UBE2V1: variants seen among roughly 807,000 people sequenced by gnomAD.
UBE2V1 encodes the protein ubiquitin conjugating enzyme E2 V1, also known as ubiquitin-conjugating enzyme E2 variant 1.
UBE2V1 carries 15 observed loss-of-function variants against 19.6 expected under a neutral mutation model. The ratio of observed to expected loss-of-function variants is 0.77; its 90% CI spans 0.51 to 1.18. UBE2V1 has a LOEUF of 1.18. Ranked by LOEUF, UBE2V1 falls within the 50% of genes most tolerant of loss-of-function variation. The pLI is 0.00. For missense variants in UBE2V1, 125 were observed against 184.8 expected (o/e 0.68, Z 1.88); for synonymous variants, 60 against 60.7 (o/e 0.99, Z 0.05).
chr20:50,113,101 G>A lies in UBE2V1; in HGVS notation c.22+6C>T, dbSNP rs955247495. 6 of 1,301,562 alleles carry A rather than the reference G, an allele frequency of 4.6e-6. No homozygotes were observed. The highest frequency in any genetic ancestry group is 4.6e-5 in the African/African-American group (3 of 65,106). The allele number at this position is 1,301,562 out of a possible 1,614,324, so 80.6% of individuals were successfully genotyped here. A position where few individuals can be genotyped will look rare whatever the true frequency, so the allele number is the denominator to read the frequency against. ...TCGGCCGGCCGGGCCCGGCGCCCCC[G>A]CTCACCCGAGCCCGTGGTGGCTGCC... On this transcript the variant is annotated splice_donor_region_variant and intron_variant, in intron 1 of 3. Coordinates refer to ENST00000371674, the MANE Select transcript of UBE2V1 (RefSeq NM_001032288.3).
At chr20:50,086,141 C>G (rs1195375039) in intron 2 of UBE2V1, among the ~76,000 whole-genome samples, 1 of 152,204 alleles carries the variant, frequency 6.6e-6, no homozygotes, top group Non-Finnish European at 1.5e-5. Context: ...CCAGACTGAC[C>G]CGGGCAGCCC....
chr20:50,107,797 A>C (rs2080485505), intron 1 of UBE2V1, among the ~76,000 whole-genome samples: 1 of 152,250 alleles, frequency 6.6e-6, no homozygotes, highest in South Asian at 2.1e-4. Context: ...GTTGAGATAG[A>C]ATCTTGCCCT....
chr20:50,085,134 C>G (rs1052488344), intron 2 of UBE2V1, among the ~76,000 whole-genome samples: 1 of 151,974 alleles, frequency 6.6e-6, no homozygotes, highest in African/African-American at 2.4e-5. Flanking sequence ...AGCTGATCTG[C>G]CCTCTTCGGC....
intron 3 of UBE2V1, 67 bp downstream of exon 3, chr20:50,084,062 C>T: frequency 6.6e-7 from 1 of 1,521,306 alleles, no homozygotes; most frequent in East Asian, 2.3e-5. Context: ...AGTCTAAAAG[C>T]TCCTGATGTT....
At chr20:50,083,410 A>G (rs2078731315) in intron 3 of UBE2V1, among the ~76,000 whole-genome samples, 2 of 152,232 alleles carry the variant, frequency 1.3e-5, no homozygotes, top group African/African-American at 2.4e-5. Flanking sequence ...GCACAGGTTG[A>G]GCTCTGGGCT....
Position 50,082,970 on chromosome 20 carries a change from T to C in UBE2V1, c.298-56A>G, listed in dbSNP as rs2078706096. ...CTCAGACTCTCAAACAAAATAGCTA[T>C]ATGCCGGGGTTAAGCTAAGGTGCAA... On this transcript the variant is annotated intron_variant, in intron 3 of 3. Transcript: ENST00000371674. The C allele has an allele frequency of 1.9e-6, 3 of 1,590,778 alleles. No homozygotes were observed. The African/African-American group carries it at 4.0e-5, about 21-fold the overall frequency.
upstream of UBE2V1, chr20:50,115,509 C>A: frequency 6.3e-7 from 1 of 1,590,196 alleles, no homozygotes; most frequent in Non-Finnish European, 8.6e-7. Context: ...TTTCTAGGTT[C>A]AAGTCTTCCT....
chr20:50,092,258 A>G (rs977624539), intron 2 of UBE2V1, among the ~76,000 whole-genome samples: 1 of 152,104 alleles, frequency 6.6e-6, no homozygotes, highest in African/African-American at 2.4e-5. Context: ...GGAGACAGAG[A>G]CTGCCGTGAG....
chr20:50,092,394 G>T (rs1453088391), intron 2 of UBE2V1, among the ~76,000 whole-genome samples: 1 of 152,096 alleles, frequency 6.6e-6, no homozygotes, highest in East Asian at 1.9e-4. Flanking sequence ...GGCCATTTTT[G>T]CCCCTCTGCT....
At chr20:50,106,034 A>C (rs946583986) in intron 1 of UBE2V1, among the ~76,000 whole-genome samples, 2 of 152,256 alleles carry the variant, frequency 1.3e-5, no homozygotes, top group African/African-American at 2.4e-5. Context: ...TAGGAAGTAC[A>C]CTAGGAAAAT....
chr20:50,109,705 C>A (rs868522183), intron 1 of UBE2V1, among the ~76,000 whole-genome samples: 2 of 145,648 alleles, frequency 1.4e-5, no homozygotes, highest in South Asian at 2.2e-4. Flanking sequence ...GCCAAGATCA[C>A]GCCACTGCAC....
At chr20:50,101,510 CT>C (rs199508261) in intron 1 of UBE2V1, among the ~76,000 whole-genome samples, 1,346 of 129,352 alleles carry the variant, frequency 0.01, 21 homozygotes, top group African/African-American at 0.039. Flanking sequence ...CCTCTGCCTC[CT>C]AGGTTCAAGC....
chr20:50,112,245 C>T (rs548571244), intron 1 of UBE2V1, among the ~76,000 whole-genome samples: 1 of 152,268 alleles, frequency 6.6e-6, no homozygotes, highest in Non-Finnish European at 1.5e-5. Flanking sequence ...CAGTTGAATC[C>T]CCACTCCCAA....
chr20:50,104,134 T>C (rs1054027627), intron 1 of UBE2V1, among the ~76,000 whole-genome samples: 1 of 147,030 alleles, frequency 6.8e-6, no homozygotes, highest in Non-Finnish European at 1.5e-5. Context: ...ATACAAAAAT[T>C]AGCTGGGCGT....
chr20:50,114,739 T>G (rs1446313115), upstream of UBE2V1, among the ~76,000 whole-genome samples: 1 of 152,014 alleles, frequency 6.6e-6, no homozygotes, highest in African/African-American at 2.4e-5. Flanking sequence ...ACTCCGCACT[T>G]GCACAGCGCT....
chr20:50,085,502 C>G (rs755201196), intron 2 of UBE2V1, among the ~76,000 whole-genome samples: 3 of 152,144 alleles, frequency 2.0e-5, no homozygotes, highest in Admixed American at 6.5e-5. Context: ...CCCTCAAAGG[C>G]AGGGGCTCCC....
intron 2 of UBE2V1, chr20:50,094,883 G>C (rs2147073810): frequency 6.6e-6 from 1 of 152,222 alleles, no homozygotes; most frequent in East Asian, 1.9e-4. Flanking sequence ...CAATAAAGCT[G>C]TTACCAAAAA....
At chr20:50,101,438 GAC>G (rs1282529724) in intron 1 of UBE2V1, among the ~76,000 whole-genome samples, 1 of 117,178 alleles carries the variant, frequency 8.5e-6, no homozygotes, top group African/African-American at 3.4e-5. Flanking sequence ...TTTTTTTTGA[GAC>G]AAAGTCTCGC....
intron 2 of UBE2V1, chr20:50,095,320 C>G (rs2079556669): frequency 6.6e-6 from 1 of 152,172 alleles, no homozygotes; most frequent in Non-Finnish European, 1.5e-5. Context: ...AGAAAATTAT[C>G]TCCATGGAGA....
Sources: gnomAD v4.1 joint callset for allele counts (sites outside exome capture counted in the v4.1 genomes callset) on GRCh38, gnomAD v4.1.1 for gene constraint, MANE v1.5 for transcripts, NCBI Gene and HGNC (gene_info 2026-07-23, HGNC 2026-07-21) for gene names.